The following SNTG1 variants were observed in gnomAD, a reference collection of about 807,000 sequenced individuals.
SNTG1 encodes gamma-1-syntrophin.
In SNTG1, 39 loss-of-function variants were observed where a neutral mutation model predicts 74.7. The observed-to-expected ratio is 0.52, with a 90% confidence interval of 0.40 to 0.68. SNTG1 has a LOEUF of 0.68. Among genes scored for constraint, SNTG1 ranks in the 30% least tolerant of loss-of-function variants. The probability of loss-of-function intolerance (pLI) is 0.00; values close to 1 mark genes in which losing one functional copy is unlikely to be tolerated. For missense variants in SNTG1, 685 were observed against 609.5 expected, an observed-to-expected ratio of 1.12 and a Z score of -1.30; for synonymous variants, 254 against 217.1, an observed-to-expected ratio of 1.17 and a Z score of -1.49.
chr8:50,435,427 G>T lies in SNTG1; in HGVS notation c.163-3116G>T, dbSNP rs78744814. ...ACTTTCAGATCAGCTTCCAGATATT[G>T]TCTGATTTATGAGCTGAGTATTTGA... On this transcript the variant is annotated intron_variant, in intron 4 of 18. Coordinates refer to ENST00000642720, the MANE Select transcript of SNTG1 (RefSeq NM_018967.5). 4.9e-4 allele frequency among the ~76,000 whole-genome samples: 74 copies of T among 152,204 alleles called. 1 individual carries two copies. In the East Asian group the frequency reaches 0.013, roughly 26 times the overall value.
chr8:50,274,144 A>G (rs1003406110), intron 2 of SNTG1, among the ~76,000 whole-genome samples: 3 of 151,814 alleles, frequency 2.0e-5, no homozygotes, highest in Non-Finnish European at 4.4e-5. Flanking sequence ...CTGGAGTGCA[A>G]TGGCGAGATC....
chr8:50,323,906 G>T (rs1012899216), intron 2 of SNTG1, among the ~76,000 whole-genome samples: 3 of 152,134 alleles, frequency 2.0e-5, no homozygotes, highest in African/African-American at 7.2e-5. Context: ...CAGCTAAGCT[G>T]GTGCTTAAAT....
At chr8:50,013,388 C>T (rs952362300) in intron 1 of SNTG1, among the ~76,000 whole-genome samples, 5 of 151,958 alleles carry the variant, frequency 3.3e-5, no homozygotes, top group Admixed American at 6.6e-5. Flanking sequence ...TGACAACTTT[C>T]TTTAATTATT....
At chr8:50,366,431 G>A (rs1025215678) in intron 2 of SNTG1, among the ~76,000 whole-genome samples, 6 of 151,970 alleles carry the variant, frequency 3.9e-5, no homozygotes, top group African/African-American at 1.4e-4. Flanking sequence ...TCATAACCAT[G>A]TCCATGACCA....
chr8:50,551,140 C>A (rs959760427), intron 11 of SNTG1, among the ~76,000 whole-genome samples: 4 of 152,036 alleles, frequency 2.6e-5, no homozygotes, highest in South Asian at 2.1e-4. Context: ...TTACTAATAA[C>A]CTTCTTTACT....
rs115236926 is a variant in SNTG1 at position 50,345,390 on chromosome 8, C to G, written c.-27-48822C>G. Among the ~76,000 whole-genome samples the G allele has an allele frequency of 2.6e-3, 389 of 152,248 alleles. 1 individual carries two copies. Among genetic ancestry groups the G allele is most frequent in the African/African-American group, 8.7e-3 (363 of 41,550 alleles). On this transcript the variant is annotated intron_variant, in intron 2 of 18. Coordinates refer to ENST00000642720, the MANE Select transcript of SNTG1 (RefSeq NM_018967.5). ...CGAGTGGTCCACCTGCTTCCTGGCT[C>G]TGCCCTCTAGGATCCTGGCTCTGCC... is the stretch of plus-strand genomic sequence containing the variant.
At chr8:50,376,002 A>G (rs1216192740) in intron 2 of SNTG1, among the ~76,000 whole-genome samples, 4 of 150,764 alleles carry the variant, frequency 2.7e-5, no homozygotes, top group South Asian at 4.3e-4. Context: ...CGGTTAGTAA[A>G]GGTGTTATCT....
chr8:50,604,537 A>G (rs1367127079), intron 13 of SNTG1, among the ~76,000 whole-genome samples: 3 of 152,232 alleles, frequency 2.0e-5, no homozygotes, highest in Middle Eastern at 6.8e-3. Context: ...CCCTTTTTAC[A>G]GGCAGGGGAG....
intron 14 of SNTG1, 143 bp from the exon 15 acceptor site, chr8:50,658,449 C>T (rs2095197430): frequency 1.9e-6 from 1 of 528,208 alleles, no homozygotes; most frequent in African/African-American, 2.0e-5. Flanking sequence ...TATGTAGGGT[C>T]CTTTATGAGC....
Position 50,549,763 on chromosome 8 carries a change from G to C in SNTG1, c.681-3287G>C, listed in dbSNP as rs548804183. On this transcript the variant is annotated intron_variant, in intron 11 of 18. Transcript: ENST00000642720. ...TTTCATGCCTTGGACATTTGCTTTT[G>C]GATTAATTATCTCCTCTCTAAAAAT... 7.5e-4 allele frequency among the ~76,000 whole-genome samples: 114 copies of C among 152,162 alleles called. 1 individual carries two copies. The highest frequency in any genetic ancestry group is 2.6e-3 in the African/African-American group (108 of 41,528).
intron 1 of SNTG1, among the ~76,000 whole-genome samples, chr8:49,954,395 A>T (rs963375319): frequency 6.6e-6 from 1 of 152,284 alleles, no homozygotes; most frequent in South Asian, 2.1e-4. Context: ...AGGCTGTAAG[A>T]TCTAATAAGT....
At chr8:49,967,957 G>C (rs1274990792) in intron 1 of SNTG1, among the ~76,000 whole-genome samples, 1 of 152,144 alleles carries the variant, frequency 6.6e-6, no homozygotes, top group Non-Finnish European at 1.5e-5. Context: ...AGATACAAGA[G>C]CGAGGGTATT....
At chr8:50,745,655 C>T (rs1187300440) in intron 17 of SNTG1, among the ~76,000 whole-genome samples, 6 of 151,974 alleles carry the variant, frequency 3.9e-5, no homozygotes, top group Non-Finnish European at 7.4e-5. Context: ...GAATGCAACT[C>T]AAGTGTCGGT....
At chr8:50,381,421 T>C (rs1031880900) in intron 2 of SNTG1, among the ~76,000 whole-genome samples, 3 of 151,098 alleles carry the variant, frequency 2.0e-5, no homozygotes, top group Non-Finnish European at 3.0e-5. Context: ...AAAAGTAATA[T>C]GGGAAGATGA....
At chr8:50,213,691 A>AT (rs2084633308) in intron 2 of SNTG1, among the ~76,000 whole-genome samples, 1 of 151,420 alleles carries the variant, frequency 6.6e-6, no homozygotes, top group African/African-American at 2.4e-5. Flanking sequence ...GATGGTGAGC[A>AT]TTTTTTCATG....
intron 4 of SNTG1, among the ~76,000 whole-genome samples, chr8:50,425,813 A>C (rs1327640001): frequency 6.6e-6 from 1 of 152,194 alleles, no homozygotes; most frequent in Non-Finnish European, 1.5e-5. Flanking sequence ...GTGACGTTTG[A>C]ATCAAGGAAA....
chr8:50,332,791 TG>T (rs1232914599), intron 2 of SNTG1, among the ~76,000 whole-genome samples: 1 of 152,182 alleles, frequency 6.6e-6, no homozygotes, highest in Non-Finnish European at 1.5e-5. Flanking sequence ...AGTGAGCATG[TG>T]AGAGTGTTTG....
intron 18 of SNTG1, among the ~76,000 whole-genome samples, chr8:50,777,855 C>G (rs1255086736): frequency 2.6e-5 from 4 of 151,962 alleles, no homozygotes; most frequent in Non-Finnish European, 5.9e-5. Context: ...CTCCCCTGTC[C>G]CCCCACCCGA....
Position 50,593,131 on chromosome 8 carries a change from T to C in SNTG1, c.849+2214T>C, listed in dbSNP as rs16915073. On this transcript the variant is annotated intron_variant, in intron 13 of 18. Transcript: ENST00000642720. ...AAATTAAAAGTCACCCAAGCTACAATGAATCCGAAGTTCTCTGCTCCCTGA... is the reference window on the plus strand; with the variant it reads ...AAATTAAAAGTCACCCAAGCTACAACGAATCCGAAGTTCTCTGCTCCCTGA... Among the ~76,000 whole-genome samples, 1,213 of 151,834 alleles carry C rather than the reference T, an allele frequency of 8.0e-3. 15 individuals carry two copies. The highest frequency in any genetic ancestry group is 0.027 in the African/African-American group (1,107 of 41,154).
Sources: allele counts gnomAD v4.1 joint callset (sites outside exome capture counted in the v4.1 genomes callset), GRCh38; gene constraint gnomAD v4.1.1; transcripts MANE v1.5; gene names NCBI Gene and HGNC (gene_info 2026-07-23, HGNC 2026-07-21).